Variants in MYL4 observed in about 807,000 individuals in gnomAD.
MYL4 encodes myosin light chain 4.
In MYL4, 16 loss-of-function variants were observed where a neutral mutation model predicts 21.6. The ratio of observed to expected loss-of-function variants is 0.74; its 90% CI spans 0.50 to 1.12. The LOEUF is 1.12. Ranked by LOEUF, MYL4 falls within the 50% of genes most tolerant of loss-of-function variation. MYL4 has a pLI of 0.00. For synonymous variants in MYL4, 82 were observed against 95.7 expected, an observed-to-expected ratio of 0.86 and a Z score of 0.83; for missense variants, 249 against 252.9, an observed-to-expected ratio of 0.98 and a Z score of 0.11.
chr17:47,215,313 G>A (rs2064805810), intron 2 of MYL4, among the ~76,000 whole-genome samples: 2 of 152,146 alleles, frequency 1.3e-5, no homozygotes, highest in African/African-American at 2.4e-5. Flanking sequence ...TTTCCCAAAT[G>A]GCCAACTGGA....
At chr17:47,225,855 C>CTTTTTTT (rs60342000), downstream of MYL4, among the ~76,000 whole-genome samples, 5 of 113,296 alleles carry the variant, frequency 4.4e-5, no homozygotes, top group African/African-American at 1.4e-4. Context: ...TCCTTCCCTT[C>CTTTTTTT]TTTTTTTTTT....
upstream of MYL4, among the ~76,000 whole-genome samples, chr17:47,208,463 A>G (rs960888608): frequency 3.3e-5 from 5 of 152,082 alleles, no homozygotes; most frequent in Non-Finnish European, 5.9e-5. Context: ...ACAAAATAGT[A>G]TCTACCTTAT....
At chr17:47,207,090 A>G (rs1381028490), upstream of MYL4, among the ~76,000 whole-genome samples, 1 of 152,134 alleles carries the variant, frequency 6.6e-6, no homozygotes, top group Non-Finnish European at 1.5e-5. Flanking sequence ...GAGGCAGAAG[A>G]TGAGGGGAGG....
chr17:47,204,286 C>G (rs1364272423), upstream of MYL4, among the ~76,000 whole-genome samples: 2 of 152,168 alleles, frequency 1.3e-5, no homozygotes, highest in Non-Finnish European at 2.9e-5. Flanking sequence ...ACCCTTCTAC[C>G]ACACACACCA....
chr17:47,221,964 A>G (rs990910472), intron 4 of MYL4, 109 bp downstream of exon 4: 31 of 1,229,648 alleles, frequency 2.5e-5, no homozygotes, highest in Non-Finnish European at 3.4e-5. Flanking sequence ...GGGTCTTTGC[A>G]TCCTGAGGAT....
At chr17:47,209,342 G>C (rs553459170), upstream of MYL4, 6 of 1,592,224 alleles carry the variant, frequency 3.8e-6, no homozygotes, top group African/African-American at 5.4e-5. Flanking sequence ...GGCAGCCCAG[G>C]CTCCTATCTC....
chr17:47,213,941 A>G (rs878927020), intron 2 of MYL4, 115 bp downstream of exon 2: 1 of 1,240,280 alleles, frequency 8.1e-7, no homozygotes, highest in South Asian at 1.2e-5. Flanking sequence ...CACTGTCATC[A>G]TCATAGCAAA....
upstream of MYL4, among the ~76,000 whole-genome samples, chr17:47,199,100 G>T (rs1234096729): frequency 7.9e-5 from 12 of 151,790 alleles, no homozygotes. Context: ...ATTTAGCCGG[G>T]CGTGGTGGCG....
At chr17:47,193,128 C>T in the MYL4 span, among the ~76,000 whole-genome samples, 1 of 152,026 alleles carries the variant, frequency 6.6e-6, no homozygotes, top group African/African-American at 2.4e-5. Context: ...CTGTTGCGTG[C>T]GGTTTTATGG....
chr17:47,203,499 A>G (rs1271948725), intron 1 of MYL4, among the ~76,000 whole-genome samples: 1 of 150,916 alleles, frequency 6.6e-6, no homozygotes. Flanking sequence ...TTTTAAAAAT[A>G]TTTTTTCTTA....
intron 6 of MYL4, chr17:47,223,283 C>G: frequency 1.9e-6 from 1 of 536,826 alleles, no homozygotes; most frequent in Admixed American, 3.2e-5. Context: ...TTGCCTCTCC[C>G]AGGATCTCTC....
chr17:47,207,430 G>T (rs79087003), upstream of MYL4, among the ~76,000 whole-genome samples: 1 of 152,202 alleles, frequency 6.6e-6, no homozygotes, highest in East Asian at 1.9e-4. Flanking sequence ...CATGGGGCCA[G>T]ATGATCTCTA....
At chr17:47,192,604 C>T in the MYL4 span, among the ~76,000 whole-genome samples, 11 of 150,692 alleles carry the variant, frequency 7.3e-5, no homozygotes, top group African/African-American at 1.7e-4. Context: ...GAGCTGAGAT[C>T]GGGCCACTGC....
At chr17:47,220,104 T>C (rs1196213522) in intron 3 of MYL4, 51 bp downstream of exon 3, 2 of 1,539,088 alleles carry the variant, frequency 1.3e-6, no homozygotes, top group Middle Eastern at 1.9e-4. Context: ...TTGCAGCCCC[T>C]TGGCTTCCTC....
intron 2 of MYL4, among the ~76,000 whole-genome samples, chr17:47,216,650 G>T (rs1481843634): frequency 6.7e-6 from 1 of 148,738 alleles, no homozygotes; most frequent in African/African-American, 2.5e-5. Flanking sequence ...TCCTCTTCAG[G>T]TTTCACCCTC....
At chr17:47,194,504 C>T in the MYL4 span, among the ~76,000 whole-genome samples, 2 of 152,312 alleles carry the variant, frequency 1.3e-5, no homozygotes, top group Admixed American at 6.5e-5. Context: ...TGGCATATAT[C>T]AGTGTGGCAT....
At chr17:47,209,314 A>G (rs1384069189), upstream of MYL4, 2 of 1,462,430 alleles carry the variant, frequency 1.4e-6, no homozygotes, top group African/African-American at 2.8e-5. Flanking sequence ...GCTCCTGCCC[A>G]GGATAAAAGG....
chr17:47,209,782 G>C (rs1381420415), intron 1 of MYL4: 1 of 634,626 alleles, frequency 1.6e-6, no homozygotes, highest in Non-Finnish European at 2.7e-6. Context: ...CTTTGAGGGA[G>C]CCCTGTCCTG....
upstream of MYL4, among the ~76,000 whole-genome samples, chr17:47,198,573 G>A (rs2064697935): frequency 6.6e-6 from 1 of 152,194 alleles, no homozygotes; most frequent in South Asian, 2.1e-4. Flanking sequence ...CACCGTAGCT[G>A]TCTTGAATAG....
Sources: allele counts gnomAD v4.1 joint callset (sites outside exome capture counted in the v4.1 genomes callset), GRCh38; gene constraint gnomAD v4.1.1; transcripts MANE v1.5; gene names NCBI Gene and HGNC (gene_info 2026-07-23, HGNC 2026-07-21).